COA1: variants seen among roughly 807,000 people sequenced by gnomAD.
COA1 encodes cytochrome c oxidase assembly factor 1 homolog.
COA1 carries 13 observed loss-of-function variants against 16.0 expected under a neutral mutation model. That is an observed-to-expected ratio of 0.81 (90% CI 0.53 to 1.29). The LOEUF (loss-of-function observed/expected upper bound fraction) is 1.29, where lower values mean the gene tolerates loss of function less well. COA1 is among the 50% of genes most tolerant of loss of function. COA1 has a pLI of 0.00. For missense variants in COA1, 179 were observed against 177.0 expected (o/e 1.01, Z -0.06); for synonymous variants, 65 against 65.7 (o/e 0.99, Z 0.05).
At chr7:43,692,736 T>C (rs761464698) in intron 1 of COA1, among the ~76,000 whole-genome samples, 5 of 152,082 alleles carry the variant, frequency 3.3e-5, no homozygotes, top group Non-Finnish European at 7.4e-5. Context: ...AAAAGAGTCA[T>C]GAGTATGACT....
chr7:43,665,508 G>A (rs1358744020), intron 1 of COA1: 1 of 152,186 alleles, frequency 6.6e-6, no homozygotes, highest in Non-Finnish European at 1.5e-5. Flanking sequence ...TACAAAAGCA[G>A]TGCCCTATTC....
chr7:43,666,889 G>C (rs2092925718), intron 1 of COA1, among the ~76,000 whole-genome samples: 1 of 151,986 alleles, frequency 6.6e-6, no homozygotes, highest in Admixed American at 6.6e-5. Context: ...AACTCAAAAG[G>C]GTATTATATG....
chr7:43,661,650 A>G (rs1389644510), intron 1 of COA1, among the ~76,000 whole-genome samples: 1 of 148,672 alleles, frequency 6.7e-6, no homozygotes, highest in East Asian at 1.9e-4. Context: ...AAAAAAAAAA[A>G]GAGACATTTC....
At chr7:43,653,177 T>C (rs1441040441) in intron 1 of COA1, among the ~76,000 whole-genome samples, 1 of 151,928 alleles carries the variant, frequency 6.6e-6, no homozygotes, top group Admixed American at 6.5e-5. Context: ...CCAGGCATAG[T>C]GGCGGGCACC....
intron 1 of COA1, among the ~76,000 whole-genome samples, chr7:43,678,551 T>C (rs1294699614): frequency 6.6e-6 from 1 of 152,142 alleles, no homozygotes; most frequent in African/African-American, 2.4e-5. Context: ...GAAAAAATAT[T>C]TGCAACTCAC....
chr7:43,644,764 AGGCAGGCAGGCAGG>A (rs2088540138), intron 4 of COA1, among the ~76,000 whole-genome samples: 1 of 74,648 alleles, frequency 1.3e-5, no homozygotes, highest in African/African-American at 4.8e-5. Flanking sequence ...ATAGATAGGC[AGGCAGGCAGGCAGG>A]CAGGCAGGCA....
intron 6 of COA1, chr7:43,622,504 T>G (rs903426408): frequency 6.6e-6 from 1 of 152,170 alleles, no homozygotes; most frequent in Non-Finnish European, 1.5e-5. Context: ...GATTCAGTAC[T>G]TATTGACTGC....
intron 1 of COA1, among the ~76,000 whole-genome samples, chr7:43,664,130 A>AGAGAGAGAGAGAGAGAGAGAGAGAGT (rs1307866265): frequency 2.6e-4 from 38 of 148,612 alleles, no homozygotes; most frequent in African/African-American, 8.8e-4. Context: ...AGAGAGAGAG[A>AGAGAGAGAGAGAGAGAGAGAGAGAGT]GTCTTGCTAT....
At chr7:43,687,969 T>G (rs2094116673) in intron 1 of COA1, among the ~76,000 whole-genome samples, 1 of 152,186 alleles carries the variant, frequency 6.6e-6, no homozygotes, top group Non-Finnish European at 1.5e-5. Context: ...TGCTGTGCTA[T>G]TCTCTTGATA....
intron 6 of COA1, chr7:43,623,088 T>C (rs1583804283): frequency 6.5e-6 from 1 of 153,012 alleles, no homozygotes; most frequent in East Asian, 1.9e-4. Context: ...TGTTGACTTT[T>C]TGTTAATGGG....
Position 43,691,278 on chromosome 7 carries a change from AAAGAAAG to A in COA1, c.-39+38144_-39+38150del, listed in dbSNP as rs1563381433. 6.6e-4 allele frequency among the ~76,000 whole-genome samples: 23 copies of A among 34,896 alleles called. No individual in the cohort carries two copies. In the South Asian group the frequency reaches 6.6e-3, roughly 10 times the overall value. 22.9% of individuals were successfully genotyped at this position (34,896 alleles called of 152,430 possible). A position where few individuals can be genotyped will look rare whatever the true frequency, so the allele number is the denominator to read the frequency against. ...AAAGAAAGAAAGAAAAGAAAGAAAG[AAAGAAAG>A]AAAGAAAGAAAGAAAGAAAGAAAGA... On this transcript the variant is annotated intron_variant, in intron 1 of 5. Coordinates refer to ENST00000223336, the MANE Select transcript of COA1 (RefSeq NM_018224.4).
At chr7:43,628,625 C>G (rs2084861388) in intron 6 of COA1, among the ~76,000 whole-genome samples, 1 of 152,154 alleles carries the variant, frequency 6.6e-6, no homozygotes, top group South Asian at 2.1e-4. Context: ...TATTGTCCAC[C>G]TGTTGCATTT....
At chr7:43,707,557 C>T (rs1490316839) in intron 1 of COA1, among the ~76,000 whole-genome samples, 6 of 152,148 alleles carry the variant, frequency 3.9e-5, no homozygotes, top group African/African-American at 1.4e-4. Flanking sequence ...TAACTATCAT[C>T]TTGACTTCTA....
chr7:43,608,653 G>GA (rs1398560551), exon 7 of COA1: 2 of 303,140 alleles, frequency 6.6e-6, no homozygotes, highest in Non-Finnish European at 1.2e-5. Context: ...GACAGAACTT[G>GA]AGCTAGATCT....
At chr7:43,672,724 C>G (rs899714025) in intron 1 of COA1, among the ~76,000 whole-genome samples, 1 of 149,792 alleles carries the variant, frequency 6.7e-6, no homozygotes, top group African/African-American at 2.5e-5. Context: ...GAGCCAAGAT[C>G]ACGCCACTGC....
chr7:43,659,534 AAT>A (rs2092211373), intron 1 of COA1, among the ~76,000 whole-genome samples: 1 of 152,240 alleles, frequency 6.6e-6, no homozygotes, highest in South Asian at 2.1e-4. Context: ...TTTGCAAATG[AAT>A]ATGAGTAGGG....
intron 1 of COA1, among the ~76,000 whole-genome samples, chr7:43,728,207 C>G (rs1373576712): frequency 2.0e-5 from 3 of 152,160 alleles, no homozygotes; most frequent in Non-Finnish European, 2.9e-5. Flanking sequence ...ATCTCCTGAC[C>G]TCGTGATCCA....
intron 1 of COA1, among the ~76,000 whole-genome samples, chr7:43,714,325 A>T (rs1190371438): frequency 6.6e-6 from 1 of 152,150 alleles, no homozygotes; most frequent in African/African-American, 2.4e-5. Flanking sequence ...GAACCAATAC[A>T]GTATAAAAAT....
intron 6 of COA1, chr7:43,623,998 A>G (rs986472703): frequency 1.4e-6 from 1 of 712,770 alleles, no homozygotes; most frequent in East Asian, 3.2e-5. Flanking sequence ...AAATAGTTCA[A>G]CTTCTAAAAC....
Sources: allele counts gnomAD v4.1 joint callset (sites outside exome capture counted in the v4.1 genomes callset), GRCh38; gene constraint gnomAD v4.1.1; transcripts MANE v1.5; gene names NCBI Gene and HGNC (gene_info 2026-07-23, HGNC 2026-07-21).